ODAD2: variants seen among roughly 807,000 people sequenced by gnomAD.
ODAD2 encodes outer dynein arm-docking complex subunit 2.
ODAD2 carries 89 observed loss-of-function variants against 106.8 expected under a neutral mutation model. The ratio of observed to expected loss-of-function variants is 0.83; its 90% CI spans 0.70 to 0.99. The LOEUF is 0.99. Ranked by LOEUF, ODAD2 falls within the 50% of genes least tolerant of loss-of-function variation. ODAD2 has a pLI of 0.00. For missense variants in ODAD2, 1,168 were observed against 1,238.5 expected (o/e 0.94, Z 0.85); for synonymous variants, 404 against 436.2 (o/e 0.93, Z 0.92).
intron 16 of ODAD2, among the ~76,000 whole-genome samples, chr10:27,929,492 C>A (rs1845468296): frequency 6.6e-6 from 1 of 152,014 alleles, no homozygotes; most frequent in African/African-American, 2.4e-5. Context: ...TTTGTCTTAG[C>A]TTAATATTTA....
intron 17 of ODAD2, among the ~76,000 whole-genome samples, chr10:27,895,178 T>A (rs1259479440): frequency 6.6e-6 from 1 of 152,180 alleles, no homozygotes; most frequent in Admixed American, 6.5e-5. Context: ...ACTCATTTAA[T>A]TCTTGAGGTT....
At chr10:27,852,027 T>C (rs1304462130) in intron 19 of ODAD2, among the ~76,000 whole-genome samples, 2 of 152,190 alleles carry the variant, frequency 1.3e-5, no homozygotes, top group African/African-American at 2.4e-5. Context: ...GAGCACCATG[T>C]TTAAAGTTGG....
intron 10 of ODAD2, among the ~76,000 whole-genome samples, chr10:27,960,460 C>T (rs1187562609): frequency 2.0e-5 from 3 of 151,506 alleles, no homozygotes; most frequent in Non-Finnish European, 2.9e-5. Context: ...AATTCTCCTG[C>T]CTCAGCATCC....
At chr10:27,858,467 A>G (rs1839811943) in intron 19 of ODAD2, among the ~76,000 whole-genome samples, 1 of 152,198 alleles carries the variant, frequency 6.6e-6, no homozygotes, top group South Asian at 2.1e-4. Context: ...GGAAATGCAA[A>G]CAGACTAAAG....
chr10:27,970,326 G>A (rs1848763999), intron 8 of ODAD2, among the ~76,000 whole-genome samples: 1 of 151,926 alleles, frequency 6.6e-6, no homozygotes, highest in African/African-American at 2.4e-5. Context: ...GCCTTTTCAT[G>A]GTATTAAAGT....
chr10:27,812,170 G>A lies in ODAD2; in HGVS notation c.*342C>T, dbSNP rs1835793444. 1.4e-5 allele frequency: 3 copies of A among 221,680 alleles called. No homozygotes were observed. Among genetic ancestry groups the A allele is most frequent in the Non-Finnish European group, 1.7e-5 (2 of 118,528 alleles). The allele number at this position is 221,680 out of a possible 1,614,324, so 13.7% of individuals were successfully genotyped here. ...ATGAACAACTATGAAACTGTGCATT[G>A]GGAAGGCCATATCCTTTTTATTAAA... On this transcript the variant is annotated 3_prime_UTR_variant, in exon 20 of 20. Transcript: ENST00000305242.
chr10:27,926,729 T>G (rs914323434), intron 16 of ODAD2, among the ~76,000 whole-genome samples: 1 of 152,144 alleles, frequency 6.6e-6, no homozygotes, highest in East Asian at 1.9e-4. Flanking sequence ...TATGGAAAAA[T>G]AAATCATAGA....
chr10:27,989,428 T>A (rs1261283620), intron 2 of ODAD2, among the ~76,000 whole-genome samples: 2 of 152,214 alleles, frequency 1.3e-5, no homozygotes, highest in Admixed American at 1.3e-4. Flanking sequence ...TCTCTAAAAT[T>A]AAGCTTCTGG....
chr10:27,958,068 T>C (rs1847855303), intron 10 of ODAD2, among the ~76,000 whole-genome samples: 1 of 152,226 alleles, frequency 6.6e-6, no homozygotes, highest in Non-Finnish European at 1.5e-5. Flanking sequence ...TTTATCTGTG[T>C]CAAAAACCTT....
In ODAD2 at chr10:27,921,763, A is replaced by C. The variant is rs554513476; in HGVS notation, c.2495+13247T>G. ...AAAAAAAAAAATCAAGTAATTTACA[A>C]AGGCAAAATAATTAGACAAGCATCA... On this transcript the variant is annotated intron_variant, in intron 16 of 19. Coordinates refer to ENST00000305242, the MANE Select transcript of ODAD2 (RefSeq NM_018076.5). Among the ~76,000 whole-genome samples, 3 of 152,116 alleles carry C rather than the reference A, an allele frequency of 2.0e-5. No homozygotes were observed. The South Asian group carries it at 6.2e-4, about 32-fold the overall frequency.
intron 7 of ODAD2, among the ~76,000 whole-genome samples, chr10:27,978,335 A>T (rs1371860298): frequency 6.6e-6 from 1 of 152,262 alleles, no homozygotes; most frequent in East Asian, 1.9e-4. Flanking sequence ...ATGTGGAAAC[A>T]TAAGCCTTTG....
chr10:27,941,704 G>A (rs1282555569), intron 12 of ODAD2, among the ~76,000 whole-genome samples: 1 of 151,050 alleles, frequency 6.6e-6, no homozygotes, highest in Non-Finnish European at 1.5e-5. Flanking sequence ...ATGGAGGAAG[G>A]GAAGTCAGAC....
intron 10 of ODAD2, among the ~76,000 whole-genome samples, chr10:27,958,426 T>C (rs561516003): frequency 2.6e-5 from 4 of 152,314 alleles, no homozygotes; most frequent in Admixed American, 2.6e-4. Context: ...ACTCTCTCAC[T>C]CCGTGCCTGC....
intron 16 of ODAD2, among the ~76,000 whole-genome samples, chr10:27,911,894 T>C (rs1470632605): frequency 6.6e-6 from 1 of 152,222 alleles, no homozygotes; most frequent in Non-Finnish European, 1.5e-5. Context: ...CAGTGAATAC[T>C]GATGAAATGG....
At chr10:27,848,240 G>C (rs1004070060) in intron 19 of ODAD2, among the ~76,000 whole-genome samples, 6 of 152,178 alleles carry the variant, frequency 3.9e-5, no homozygotes, top group East Asian at 1.9e-4. Flanking sequence ...ACAAATGAAA[G>C]AGAACAGAGC....
At chr10:27,949,418 T>G (rs1016518984) in intron 10 of ODAD2, among the ~76,000 whole-genome samples, 11 of 152,156 alleles carry the variant, frequency 7.2e-5, no homozygotes, top group African/African-American at 2.7e-4. Context: ...TGACCTAACT[T>G]GGAGCATCAC....
intron 16 of ODAD2, among the ~76,000 whole-genome samples, chr10:27,923,563 A>G (rs1359394955): frequency 2.6e-5 from 4 of 152,190 alleles, no homozygotes; most frequent in Admixed American, 1.3e-4. Context: ...AAGACAGATC[A>G]AGTTCACACA....
chr10:27,966,188 C>G (rs1002947367), intron 9 of ODAD2, among the ~76,000 whole-genome samples: 4 of 152,222 alleles, frequency 2.6e-5, no homozygotes, highest in African/African-American at 4.8e-5. Context: ...ATTATGCTCT[C>G]TGGACCCTGG....
intron 10 of ODAD2, among the ~76,000 whole-genome samples, chr10:27,948,140 T>A (rs1432949329): frequency 6.6e-6 from 1 of 152,168 alleles, no homozygotes; most frequent in African/African-American, 2.4e-5. Context: ...TGCAAAAGAC[T>A]GACAATTTAC....
Sources: gnomAD v4.1 joint callset for allele counts (sites outside exome capture counted in the v4.1 genomes callset) on GRCh38, gnomAD v4.1.1 for gene constraint, MANE v1.5 for transcripts, NCBI Gene and HGNC (gene_info 2026-07-23, HGNC 2026-07-21) for gene names.